JPH3: variants seen among roughly 807,000 people sequenced by gnomAD.
JPH3 encodes junctophilin-3.
JPH3 carries 11 observed loss-of-function variants against 59.6 expected under a neutral mutation model. The ratio of observed to expected loss-of-function variants is 0.18; its 90% confidence interval spans 0.12 to 0.31. The LOEUF is 0.31. Ranked by LOEUF, JPH3 falls within the 10% of genes least tolerant of loss-of-function variation. The pLI is 1.00. For synonymous variants in JPH3, 673 were observed against 483.6 expected (o/e 1.39, Z -5.14); for missense variants, 1,202 against 1,105.7 (o/e 1.09, Z -1.24).
intron 1 of JPH3, among the ~76,000 whole-genome samples, chr16:87,607,540 T>C (rs2030569720): frequency 6.6e-6 from 1 of 152,226 alleles, no homozygotes; most frequent in African/African-American, 2.4e-5. Context: ...CCTTGCTTGC[T>C]CTCCACTGGC....
At chr16:87,609,275 T>A (rs976513346) in intron 1 of JPH3, among the ~76,000 whole-genome samples, 9 of 152,194 alleles carry the variant, frequency 5.9e-5, no homozygotes, top group African/African-American at 2.2e-4. Context: ...TTTATTTATT[T>A]ATCTGTTTTG....
chr16:87,687,147 C>T (rs1336390841), intron 3 of JPH3, among the ~76,000 whole-genome samples: 3 of 152,190 alleles, frequency 2.0e-5, no homozygotes, highest in Non-Finnish European at 4.4e-5. Flanking sequence ...AGACCAGGCA[C>T]CCCGGGGCCT....
chr16:87,615,608 G>A (rs1208735956), intron 1 of JPH3, among the ~76,000 whole-genome samples: 1 of 152,152 alleles, frequency 6.6e-6, no homozygotes, highest in African/African-American at 2.4e-5. Context: ...GATGGAGCAG[G>A]GACTCCATAG....
At chr16:87,604,567 G>C in intron 1 of JPH3, 1 of 1,242,796 alleles carries the variant, frequency 8.0e-7, no homozygotes, top group Non-Finnish European at 1.0e-6. Flanking sequence ...ATGGATGCCT[G>C]GGAAGGGAGT....
Position 87,689,997 on chromosome 16 carries a change from CCCTGCGCGGCGG to C in JPH3, c.1643_1654del (p.Arg548_Leu551del), listed in dbSNP as rs776294816. ...GGCTCCAGGGGTGTCCGCAGCGGTGCCCTGCGCGGCGGCCTGCTCGTGGATGACTTCCGCACC... is the reference window on the plus strand; with the variant it reads ...GGCTCCAGGGGTGTCCGCAGCGGTGCCCTGCTCGTGGATGACTTCCGCACC... On this transcript the variant is annotated inframe_deletion, in exon 4 of 5. Coordinates refer to ENST00000284262, the MANE Select transcript of JPH3 (RefSeq NM_020655.4). 2.0e-6 allele frequency: 3 copies of C among 1,498,128 alleles called. No individual in the cohort carries two copies. Among genetic ancestry groups the C allele is most frequent in the Admixed American group, 4.5e-5 (2 of 44,684 alleles). 92.8% of individuals were successfully genotyped at this position (1,498,128 alleles called of 1,614,324 possible).
intron 2 of JPH3, among the ~76,000 whole-genome samples, chr16:87,646,397 C>A (rs1343876214): frequency 6.6e-6 from 1 of 152,228 alleles, no homozygotes; most frequent in Non-Finnish European, 1.5e-5. Context: ...TCCAAACTCG[C>A]TGTTTGCCCC....
intron 2 of JPH3, among the ~76,000 whole-genome samples, chr16:87,674,901 C>T (rs1223487421): frequency 1.3e-5 from 2 of 152,066 alleles, no homozygotes; most frequent in African/African-American, 4.8e-5. Flanking sequence ...GCTGGGACTA[C>T]AGGCGCCTGC....
intron 1 of JPH3, among the ~76,000 whole-genome samples, chr16:87,625,789 T>C (rs959921035): frequency 6.6e-6 from 1 of 152,014 alleles, no homozygotes; most frequent in African/African-American, 2.4e-5. Flanking sequence ...CTGCGAGCCG[T>C]GGGGTGGGGA....
intron 2 of JPH3, among the ~76,000 whole-genome samples, chr16:87,656,892 C>T (rs2032520845): frequency 6.6e-6 from 1 of 152,190 alleles, no homozygotes; most frequent in South Asian, 2.1e-4. Flanking sequence ...GGGATCACTC[C>T]TCGGGCTCCT....
At chr16:87,642,252 G>T (rs540370725) in intron 1 of JPH3, among the ~76,000 whole-genome samples, 2 of 151,816 alleles carry the variant, frequency 1.3e-5, no homozygotes, top group Non-Finnish European at 2.9e-5. Flanking sequence ...GGAAAGGGGG[G>T]GGGCAGTGGG....
chr16:87,617,878 A>T (rs1885142094), intron 1 of JPH3, among the ~76,000 whole-genome samples: 1 of 151,734 alleles, frequency 6.6e-6, no homozygotes, highest in African/African-American at 2.4e-5. Context: ...GTGCGAGGGG[A>T]GTGGCTGGGC....
intron 1 of JPH3, among the ~76,000 whole-genome samples, chr16:87,638,296 A>G (rs1202648757): frequency 6.6e-6 from 1 of 152,112 alleles, no homozygotes; most frequent in African/African-American, 2.4e-5. Flanking sequence ...CTGGCCTCAA[A>G]TGATTCTCCT....
At chr16:87,677,140 C>T (rs1466408449) in intron 2 of JPH3, among the ~76,000 whole-genome samples, 2 of 147,308 alleles carry the variant, frequency 1.4e-5, no homozygotes, top group Admixed American at 1.4e-4. Context: ...GCCTAGGCGA[C>T]AGAGTGGGAC....
intron 2 of JPH3, among the ~76,000 whole-genome samples, chr16:87,664,781 A>G (rs940992683): frequency 1.3e-5 from 2 of 152,092 alleles, no homozygotes; most frequent in African/African-American, 4.8e-5. Flanking sequence ...CACAGCTCAC[A>G]TGTGGAAACA....
chr16:87,610,383 C>T (rs2030687179), intron 1 of JPH3, among the ~76,000 whole-genome samples: 1 of 152,176 alleles, frequency 6.6e-6, no homozygotes, highest in Non-Finnish European at 1.5e-5. Context: ...CTTTATTGGG[C>T]AGGCAGCACT....
At position 87,644,748 on chromosome 16, in the gene JPH3, G is replaced by A. The variant is rs1234018223; in HGVS notation, c.873G>A (p.Glu291=). 1 of 1,613,206 alleles carries A rather than the reference G, an allele frequency of 6.2e-7. No homozygotes were observed. Among genetic ancestry groups the A allele is most frequent in the Non-Finnish European group, 8.5e-7 (1 of 1,179,910 alleles). Residue 291 remains glutamate (E), a synonymous_variant, in exon 2 of 5, where the codon GAG becomes GAA. Coordinates refer to ENST00000284262, the MANE Select transcript of JPH3 (RefSeq NM_020655.4). ...CCACCACCGAGACCTACGTGGGCGA[G>A]TGGAAGAACGACAAACGCTCCGGCT... ...DATTTETYVG[E]WKNDKRSGFG...
chr16:87,604,992 T>C (rs966547013), intron 1 of JPH3: 62 of 439,686 alleles, frequency 1.4e-4, no homozygotes, highest in East Asian at 2.9e-4. Context: ...TGTGTGTGTG[T>C]GCGCGCGCGT....
At chr16:87,622,260 C>T (rs2031212571) in intron 1 of JPH3, among the ~76,000 whole-genome samples, 1 of 152,180 alleles carries the variant, frequency 6.6e-6, no homozygotes, top group African/African-American at 2.4e-5. Flanking sequence ...GGTGATGGCT[C>T]AGGGGAAGTT....
chr16:87,608,300 A>G (rs1292544240), intron 1 of JPH3, among the ~76,000 whole-genome samples: 2 of 152,250 alleles, frequency 1.3e-5, no homozygotes, highest in East Asian at 3.8e-4. Context: ...ACAACTCTAA[A>G]TATGACGAGC....
Sources: allele counts gnomAD v4.1 joint callset (sites outside exome capture counted in the v4.1 genomes callset), GRCh38; gene constraint gnomAD v4.1.1; transcripts MANE v1.5; gene names NCBI Gene and HGNC (gene_info 2026-07-23, HGNC 2026-07-21).